GOLGA8J: variants seen among roughly 807,000 people sequenced by gnomAD.
The protein encoded by GOLGA8J is golgin A8 family member J.
GOLGA8J carries 19 observed loss-of-function variants against 67.7 expected under a neutral mutation model. The ratio of observed to expected loss-of-function variants is 0.28; its 90% CI spans 0.20 to 0.41. The LOEUF (loss-of-function observed/expected upper bound fraction) is 0.41. GOLGA8J is among the 10% of genes least tolerant of loss of function. The probability of loss-of-function intolerance (pLI) is 1.00; values close to 1 mark genes in which losing one functional copy is unlikely to be tolerated. For synonymous variants in GOLGA8J, 69 were observed against 215.9 expected (o/e 0.32, Z 5.97); for missense variants, 205 against 584.3 (o/e 0.35, Z 6.69).
rs1360600457 is a variant in GOLGA8J at position 30,094,158 on chromosome 15, G to A, written c.*659G>A. On this transcript the variant is annotated 3_prime_UTR_variant, in exon 19 of 19. Coordinates refer to ENST00000567927, the MANE Select transcript of GOLGA8J (RefSeq NM_001282472.2). ...ACAGAAGAGGAAAGTGGCCTCCTCT[G>A]GCAGGTACGTGCAGGATAGAGTGTG... Among the ~76,000 whole-genome samples the A allele has an allele frequency of 6.9e-6, 1 of 145,408 alleles. No homozygotes were observed. Among genetic ancestry groups the A allele is most frequent in the Non-Finnish European group, 1.5e-5 (1 of 67,438 alleles).
intron 18 of GOLGA8J, 37 bp from the exon 19 acceptor site, chr15:30,093,287 C>T: frequency 1.3e-6 from 2 of 1,565,858 alleles, no homozygotes; most frequent in South Asian, 2.3e-5. Flanking sequence ...GAGGGGGCTC[C>T]CACTGTGCTC....
In GOLGA8J at chr15:30,089,899, G is replaced by A. The variant is rs1049475680; in HGVS notation, c.1074G>A (p.Gln358=). Residue 358 remains glutamine (Q), a synonymous_variant, in exon 12 of 19, where the codon CAG becomes CAA. Coordinates refer to ENST00000567927, the MANE Select transcript of GOLGA8J (RefSeq NM_001282472.2). ...ERLRKQEERI[Q]EQHKSLQQLA... is the part of the protein sequence containing the mutation. ...TTCGGAAGCAGGAGGAGAGGATTCA[G>A]GAGCAGCACAAGAGCCTTCAGCAGC... 11 of 1,520,270 alleles carry A rather than the reference G, an allele frequency of 7.2e-6. 1 individual carries two copies. In the Admixed American group the frequency reaches 1.9e-4, roughly 26 times the overall value. The allele number at this position is 1,520,270 out of a possible 1,614,324, so 94.2% of individuals were successfully genotyped here.
At position 30,094,395 on chromosome 15, in the gene GOLGA8J, T is replaced by C. The variant is rs1192271123; in HGVS notation, c.*896T>C. ...CCTTTCCTAGCTTAGAGCATTTGTATCTACAATACATTTTAAAGTCAGAGT... is the reference window on the plus strand; with the variant it reads ...CCTTTCCTAGCTTAGAGCATTTGTACCTACAATACATTTTAAAGTCAGAGT... On this transcript the variant is annotated 3_prime_UTR_variant, in exon 19 of 19. Transcript: ENST00000567927. 6.8e-6 allele frequency among the ~76,000 whole-genome samples: 1 copy of C among 147,354 alleles called. No homozygotes were observed. The highest frequency in any genetic ancestry group is 2.6e-5 in the African/African-American group (1 of 38,052).
At position 30,094,294 on chromosome 15, in the gene GOLGA8J, C is replaced by G. The variant is rs551090505; in HGVS notation, c.*795C>G. Among the ~76,000 whole-genome samples the G allele has an allele frequency of 2.7e-3, 401 of 147,314 alleles. 51 individuals carry two copies. Among genetic ancestry groups the G allele is most frequent in the African/African-American group, 9.8e-3 (372 of 38,074 alleles). On this transcript the variant is annotated 3_prime_UTR_variant, in exon 19 of 19. Coordinates refer to ENST00000567927, the MANE Select transcript of GOLGA8J (RefSeq NM_001282472.2). ...TGCATCATGAGCTGCAGCAGTTGTACTCTTTTTCGATGACCTAAAAAGGGC... is the reference window on the plus strand; with the variant it reads ...TGCATCATGAGCTGCAGCAGTTGTAGTCTTTTTCGATGACCTAAAAAGGGC...
rs867538075 is a variant in GOLGA8J at position 30,095,541 on chromosome 15, G to A, written c.*2042G>A. Reference sequence around the variant, plus strand: ...AAAATGCACTTAAAGTCCTGTTCTCGCCTTTTATTTTCTGAACTTGCCGCT... The same window carrying A: ...AAAATGCACTTAAAGTCCTGTTCTCACCTTTTATTTTCTGAACTTGCCGCT... On this transcript the variant is annotated 3_prime_UTR_variant, in exon 19 of 19. Coordinates refer to ENST00000567927, the MANE Select transcript of GOLGA8J (RefSeq NM_001282472.2). Among the ~76,000 whole-genome samples, 72 of 136,920 alleles carry A rather than the reference G, an allele frequency of 5.3e-4. 3 individuals are homozygous for A. Among genetic ancestry groups the A allele is most frequent in the Middle Eastern group, 3.4e-3 (1 of 292 alleles). The allele number at this position is 136,920 out of a possible 152,430, so 89.8% of individuals were successfully genotyped here.
chr15:30,094,901 C>CTGT lies in GOLGA8J; in HGVS notation c.*1404_*1406dup, dbSNP rs1384623476. ...TGTGTACAAACTGCAGTGCAATCTA[C>CTGT]TGTTCGTGAATGTCAATGTATTATC... On this transcript the variant is annotated 3_prime_UTR_variant, in exon 19 of 19. Coordinates refer to ENST00000567927, the MANE Select transcript of GOLGA8J (RefSeq NM_001282472.2). Among the ~76,000 whole-genome samples, 8 of 138,454 alleles carry CTGT rather than the reference C, an allele frequency of 5.8e-5. No homozygotes were observed. The highest frequency in any genetic ancestry group is 1.6e-4 in the African/African-American group (5 of 32,140). 90.8% of individuals were successfully genotyped at this position (138,454 alleles called of 152,430 possible). A position where few individuals can be genotyped will look rare whatever the true frequency, so the allele number is the denominator to read the frequency against.
chr15:30,091,460 AGC>A, intron 13 of GOLGA8J, 73 bp from the exon 14 acceptor site: 1 of 1,454,910 alleles, frequency 6.9e-7, no homozygotes, highest in Non-Finnish European at 9.2e-7. Context: ...CAGGGGAGGG[AGC>A]TGCCGAGGAT....
chr15:30,088,477 A>C, intron 8 of GOLGA8J: 1 of 571,908 alleles, frequency 1.7e-6, no homozygotes, highest in Non-Finnish European at 3.1e-6. Context: ...ACAAAGGTTC[A>C]AACAGTGGTA....
rs1188206866 is a variant in GOLGA8J at position 30,092,080 on chromosome 15, G to T, written c.1315G>T (p.Ala439Ser). 1 of 1,595,106 alleles carries T rather than the reference G, an allele frequency of 6.3e-7. No individual in the cohort carries two copies. The highest frequency in any genetic ancestry group is 2.3e-5 in the East Asian group (1 of 43,930). Residue 439 changes from alanine to serine, a missense_variant, in exon 15 of 19, where the codon GCA becomes TCA. Ala to Ser is a moderately conservative substitution (Grantham distance 99). Coordinates refer to ENST00000567927, the MANE Select transcript of GOLGA8J (RefSeq NM_001282472.2). ...GEHLDSEGEEAPRPMPSVPED... is the reference protein window; with the variant it reads ...GEHLDSEGEESPRPMPSVPED... ...ACATCTGGACAGTGAGGGGGAGGAG[G>T]CACCTCGGCCCATGCCGAGTGTCCC... is the stretch of plus-strand genomic sequence containing the variant.
At chr15:30,087,976 G>C (rs2057353229) in intron 8 of GOLGA8J, 7 of 572,146 alleles carry the variant, frequency 1.2e-5, no homozygotes, top group African/African-American at 2.0e-5. Context: ...GTGGGGTATT[G>C]GGTACTTGTA....
Position 30,092,937 on chromosome 15 carries a change from G to C in GOLGA8J, c.1516G>C (p.Ala506Pro). ...AGAACCAGGGGGCCGTGCCAAAGATGCGGCACTGGGAGGAGGACACCATCA... is the reference window on the plus strand; with the variant it reads ...AGAACCAGGGGGCCGTGCCAAAGATCCGGCACTGGGAGGAGGACACCATCA... Reference protein sequence around the residue: ...LSEPGGRAKDAALGGGHHQAG... With the variant: ...LSEPGGRAKDPALGGGHHQAG... Residue 506 changes from alanine (A) to proline (P), a missense_variant, in exon 17 of 19, where the codon GCG becomes CCG. Ala to Pro is a conservative substitution (Grantham distance 27). Transcript: ENST00000567927. 6.7e-7 allele frequency: 1 copy of C among 1,494,216 alleles called. No individual in the cohort carries two copies. Among genetic ancestry groups the C allele is most frequent in the Non-Finnish European group, 8.9e-7 (1 of 1,122,058 alleles). 92.6% of individuals were successfully genotyped at this position (1,494,216 alleles called of 1,614,324 possible). A position where few individuals can be genotyped will look rare whatever the true frequency, so the allele number is the denominator to read the frequency against.
At chr15:30,084,662 T>G in intron 1 of GOLGA8J, 109 bp from the exon 2 acceptor site, 1 of 494,092 alleles carries the variant, frequency 2.0e-6, no homozygotes, top group Non-Finnish European at 3.3e-6. Context: ...CAGTTGTTGG[T>G]GTCATTAAAT....
At position 30,090,056 on chromosome 15, in the gene GOLGA8J, T is replaced by C. The variant is rs952017932; in HGVS notation, c.1131+100T>C. ...GGCAGTGTAGCCCTCACATGAAATG[T>C]TACTTCTAAAGGCACCTGTGAGCCA... On this transcript the variant is annotated intron_variant, in intron 12 of 18. Coordinates refer to ENST00000567927, the MANE Select transcript of GOLGA8J (RefSeq NM_001282472.2). 5 of 1,280,772 alleles carry C rather than the reference T, an allele frequency of 3.9e-6. No homozygotes were observed. In the Admixed American group the frequency reaches 1.0e-4, roughly 26 times the overall value. 79.3% of individuals were successfully genotyped at this position (1,280,772 alleles called of 1,614,324 possible). A position where few individuals can be genotyped will look rare whatever the true frequency, so the allele number is the denominator to read the frequency against.
In GOLGA8J at chr15:30,084,884, T is replaced by C. The variant is rs1211701859; in HGVS notation, c.162T>C (p.Pro54=). Residue 54 remains proline (P), a synonymous_variant, in exon 2 of 19, where the codon CCT becomes CCC. Transcript: ENST00000567927. ...EKATSGGCQP[P]RDSATGFHRE... The stretch of plus-strand genomic sequence containing the variant: ...CCACTTCTGGTGGTTGCCAGCCACC[T>C]AGGGATGTGAGTCTTGGCTGACCAG... 6 of 1,473,582 alleles carry C rather than the reference T, an allele frequency of 4.1e-6. 1 individual carries two copies. In the South Asian group the frequency reaches 7.7e-5, roughly 19 times the overall value. The allele number at this position is 1,473,582 out of a possible 1,614,324, so 91.3% of individuals were successfully genotyped here.
intron 13 of GOLGA8J, 116 bp from the exon 14 acceptor site, chr15:30,091,418 CT>C: frequency 3.1e-6 from 3 of 971,236 alleles, no homozygotes; most frequent in Non-Finnish European, 4.4e-6. Context: ...AAAGCGGTGG[CT>C]GAGATGGCCT....
Position 30,089,975 on chromosome 15 carries a change from G to T in GOLGA8J, c.1131+19G>T, listed in dbSNP as rs2057380771. On this transcript the variant is annotated intron_variant, in intron 12 of 18. Transcript: ENST00000567927. ...GGAGCCGGTGCGTTGCCCAAACTGG[G>T]GAGCTTGCCCTCCTCCCTAGACCTC... 6 of 1,515,186 alleles carry T rather than the reference G, an allele frequency of 4.0e-6. No individual in the cohort carries two copies. Among genetic ancestry groups the T allele is most frequent in the Non-Finnish European group, 5.2e-6 (6 of 1,143,092 alleles). 93.9% of individuals were successfully genotyped at this position (1,515,186 alleles called of 1,614,324 possible).
At position 30,089,948 on chromosome 15, in the gene GOLGA8J, A is replaced by G. The variant is rs3964770; in HGVS notation, c.1123A>G (p.Lys375Glu). ...GCTGGCCAAGCCACAGAGCGTCTTCAAGGAGCCGGTGCGTTGCCCAAACTG... is the reference window on the plus strand; with the variant it reads ...GCTGGCCAAGCCACAGAGCGTCTTCGAGGAGCCGGTGCGTTGCCCAAACTG... ...QQLAKPQSVF[K>E]EPNNENKNAL... is the part of the protein sequence containing the mutation. The change falls in exon 12 of 19, where the codon AAG becomes GAG. Residue 375 changes from lysine (K) to glutamate (E), a missense_variant. Coordinates refer to ENST00000567927, the MANE Select transcript of GOLGA8J (RefSeq NM_001282472.2). The G allele has an allele frequency of 3.8e-3, 5,716 of 1,514,694 alleles. 1,348 individuals carry two copies. Among genetic ancestry groups the G allele is most frequent in the South Asian group, 6.8e-3 (568 of 83,852 alleles). The allele number at this position is 1,514,694 out of a possible 1,614,324, so 93.8% of individuals were successfully genotyped here.
chr15:30,095,068 G>A lies in GOLGA8J; in HGVS notation c.*1569G>A, dbSNP rs2057454916. ...GTGATTGTGCCTATGCATGATGAAT[G>A]AATACATTTCAGTTATATATTGCCT... On this transcript the variant is annotated 3_prime_UTR_variant, in exon 19 of 19. Coordinates refer to ENST00000567927, the MANE Select transcript of GOLGA8J (RefSeq NM_001282472.2). Among the ~76,000 whole-genome samples, 2 of 147,470 alleles carry A rather than the reference G, an allele frequency of 1.4e-5. No individual in the cohort carries two copies. The highest frequency in any genetic ancestry group is 3.0e-5 in the Non-Finnish European group (2 of 67,688).
chr15:30,091,789 T>C, intron 14 of GOLGA8J, 179 bp downstream of exon 14: 2 of 737,358 alleles, frequency 2.7e-6, no homozygotes, highest in Non-Finnish European at 4.4e-6. Flanking sequence ...GGTCACCAAG[T>C]TGCCTAAGGA....
Sources: allele counts gnomAD v4.1 joint callset (sites outside exome capture counted in the v4.1 genomes callset), GRCh38; gene constraint gnomAD v4.1.1; transcripts MANE v1.5; gene names NCBI Gene and HGNC (gene_info 2026-07-23, HGNC 2026-07-21).